NEGR1: variants seen among roughly 807,000 people sequenced by gnomAD.
The protein encoded by NEGR1 is IgLON family member 4.
A neutral mutation model predicts 40.9 loss-of-function variants in NEGR1; 10 were observed. The observed-to-expected ratio is 0.24, with a 90% CI of 0.15 to 0.42. The LOEUF is 0.42. Among genes scored for constraint, NEGR1 ranks in the 10% least tolerant of loss-of-function variants. NEGR1 has a pLI of 1.00. For synonymous variants in NEGR1, 185 were observed against 166.8 expected, an observed-to-expected ratio of 1.11 and a Z score of -0.84; for missense variants, 352 against 438.9, an observed-to-expected ratio of 0.80 and a Z score of 1.77.
intron 6 of NEGR1, among the ~76,000 whole-genome samples, chr1:71,583,376 G>A (rs996228773): frequency 2.4e-4 from 37 of 152,146 alleles, no homozygotes; most frequent in Non-Finnish European, 7.3e-5. Flanking sequence ...AAGAATGTTA[G>A]AGAAATACAG....
intron 6 of NEGR1, among the ~76,000 whole-genome samples, chr1:71,481,073 G>T (rs1459097633): frequency 6.6e-6 from 1 of 151,796 alleles, no homozygotes; most frequent in Non-Finnish European, 1.5e-5. Context: ...TTCATATAAT[G>T]ATTTCATTTC....
intron 2 of NEGR1, among the ~76,000 whole-genome samples, chr1:71,870,598 C>T (rs376115357): frequency 1.3e-5 from 2 of 152,128 alleles, no homozygotes; most frequent in South Asian, 4.1e-4. Context: ...ATAGCTGACT[C>T]ATATTCCTAA....
intron 1 of NEGR1, among the ~76,000 whole-genome samples, chr1:72,096,405 G>A (rs989659948): frequency 1.3e-5 from 2 of 151,938 alleles, no homozygotes; most frequent in Non-Finnish European, 2.9e-5. Flanking sequence ...AATTTGGTGT[G>A]ATCTTCTGAA....
At chr1:71,859,764 C>G (rs533689188) in intron 2 of NEGR1, among the ~76,000 whole-genome samples, 1 of 152,170 alleles carries the variant, frequency 6.6e-6, no homozygotes, top group African/African-American at 2.4e-5. Flanking sequence ...TTTTAGTTCA[C>G]TGTTTTATCA....
chr1:71,942,692 C>T (rs1165997341), intron 1 of NEGR1, among the ~76,000 whole-genome samples: 1 of 138,372 alleles, frequency 7.2e-6, no homozygotes, highest in Admixed American at 7.4e-5. Context: ...TTAGTAGAGA[C>T]GGGGTTTCAC....
chr1:71,439,487 G>A (rs915113534), intron 6 of NEGR1, among the ~76,000 whole-genome samples: 8 of 151,992 alleles, frequency 5.3e-5, no homozygotes, highest in South Asian at 2.1e-4. Context: ...CTTAGCCTCC[G>A]GAGTAGCTGG....
intron 1 of NEGR1, among the ~76,000 whole-genome samples, chr1:72,013,442 C>G (rs1423420966): frequency 6.6e-6 from 1 of 152,102 alleles, no homozygotes; most frequent in Non-Finnish European, 1.5e-5. Flanking sequence ...GAGGCTGCTT[C>G]TAACTTCAAA....
At chr1:71,937,596 T>C (rs1645919563) in intron 1 of NEGR1, among the ~76,000 whole-genome samples, 1 of 152,202 alleles carries the variant, frequency 6.6e-6, no homozygotes, top group Admixed American at 6.5e-5. Flanking sequence ...TATTAGTGGG[T>C]GCCAATGTTG....
chr1:72,262,578 ACTAAATGCT>A (rs1425600497), intron 1 of NEGR1, among the ~76,000 whole-genome samples: 3 of 151,958 alleles, frequency 2.0e-5, no homozygotes, highest in African/African-American at 7.2e-5. Flanking sequence ...ACTCTCATAT[ACTAAATGCT>A]CAAGCACTAT....
intron 2 of NEGR1, among the ~76,000 whole-genome samples, chr1:71,824,009 T>C (rs1658528904): frequency 6.6e-6 from 1 of 152,020 alleles, no homozygotes; most frequent in South Asian, 2.1e-4. Flanking sequence ...AGCAATTCAA[T>C]GAAATGAAAT....
intron 6 of NEGR1, among the ~76,000 whole-genome samples, chr1:71,434,943 T>C (rs923507611): frequency 1.3e-5 from 2 of 151,948 alleles, no homozygotes; most frequent in East Asian, 3.9e-4. Flanking sequence ...TACAAAAAAT[T>C]AGCCCGGCAT....
Position 71,698,086 on chromosome 1 carries a change from G to C in NEGR1, c.589C>G (p.Gln197Glu). ...GCACTGCATTCATATTCCCCAGCCT[G>C]GTCCCTTGTAATTCCATAAATGTCC... ...YLDIYGITRDQAGEYECSAEN... is the reference protein window; with the variant it reads ...YLDIYGITRDEAGEYECSAEN... The change falls in exon 4 of 7, where the codon CAG (glutamine) becomes GAG (glutamate). Residue 197 changes from glutamine to glutamate, a missense_variant. Gln to Glu is a conservative substitution (Grantham distance 29, BLOSUM62 2). This residue lies in a region of NEGR1 where 184 missense variants were observed against 208.7 expected (regional missense o/e 0.88). Coordinates refer to ENST00000357731, the MANE Select transcript of NEGR1 (RefSeq NM_173808.3). The C allele has an allele frequency of 6.2e-7, 1 of 1,610,714 alleles. No homozygotes were observed. Among genetic ancestry groups the C allele is most frequent in the Non-Finnish European group, 8.5e-7 (1 of 1,177,626 alleles).
intron 1 of NEGR1, among the ~76,000 whole-genome samples, chr1:72,022,260 CATATATATAT>C (rs59160727): frequency 0.088 from 9,792 of 111,468 alleles, 492 homozygotes; most frequent in African/African-American, 0.11. Context: ...AAACAATTTT[CATATATATAT>C]ATATATATAT....
chr1:71,560,109 G>GATGATA (rs1553150185), intron 6 of NEGR1, among the ~76,000 whole-genome samples: 2 of 150,468 alleles, frequency 1.3e-5, no homozygotes, highest in Non-Finnish European at 3.0e-5. Context: ...TGATGATGAT[G>GATGATA]ATAACTATAT....
chr1:71,540,784 A>G (rs1463812820), intron 6 of NEGR1, among the ~76,000 whole-genome samples: 1 of 151,716 alleles, frequency 6.6e-6, no homozygotes, highest in African/African-American at 2.4e-5. Context: ...TATAAAGAAA[A>G]TAGGTTTAAT....
intron 1 of NEGR1, among the ~76,000 whole-genome samples, chr1:72,238,917 G>T (rs796538717): frequency 5.3e-4 from 81 of 151,878 alleles, no homozygotes; most frequent in Middle Eastern, 3.4e-3. Flanking sequence ...AGGGAACCGG[G>T]GATCATACTT....
intron 1 of NEGR1, among the ~76,000 whole-genome samples, chr1:71,964,368 G>A (rs1820421): frequency 0.43 from 65,412 of 151,846 alleles, 14,684 homozygotes; most frequent in Middle Eastern, 0.58. Context: ...CCACTTTGGT[G>A]ATGTTCACTC....
intron 6 of NEGR1, among the ~76,000 whole-genome samples, chr1:71,503,882 G>A (rs1349718175): frequency 6.6e-6 from 1 of 151,464 alleles, no homozygotes; most frequent in African/African-American, 2.4e-5. Flanking sequence ...AACACCCTCC[G>A]GGCAAGAAGT....
At chr1:71,438,587 G>A (rs1252787603) in intron 6 of NEGR1, among the ~76,000 whole-genome samples, 8 of 152,090 alleles carry the variant, frequency 5.3e-5, no homozygotes, top group South Asian at 2.1e-4. Flanking sequence ...TTTTTAGGTC[G>A]AAAAAGCACT....
Sources: gnomAD v4.1 joint callset for allele counts (sites outside exome capture counted in the v4.1 genomes callset) on GRCh38, gnomAD v4.1.1 for gene constraint, gnomAD v4.1.1 regional missense constraint, MANE v1.5 for transcripts, NCBI Gene and HGNC (gene_info 2026-07-23, HGNC 2026-07-21) for gene names.